Variants in NAF1 observed in about 807,000 individuals in gnomAD.
NAF1 encodes the protein nuclear assembly factor 1 ribonucleoprotein.
Under a neutral mutation model 40.6 loss-of-function variants are expected in NAF1, and 11 were observed. The observed-to-expected ratio is 0.27, with a 90% CI of 0.17 to 0.45. The LOEUF is 0.45. Ranked by LOEUF, NAF1 falls within the 20% of genes least tolerant of loss-of-function variation. NAF1 has a pLI of 1.00. For missense variants in NAF1, 607 were observed against 611.1 expected (o/e 0.99, Z 0.07); for synonymous variants, 260 against 228.5 (o/e 1.14, Z -1.24).
At chr4:163,114,110 C>T (rs903679064) in intron 2 of NAF1, among the ~76,000 whole-genome samples, 8 of 152,286 alleles carry the variant, frequency 5.3e-5, no homozygotes, top group Middle Eastern at 6.8e-3. Flanking sequence ...GGAGAAATAA[C>T]AGCATCACTA....
At chr4:163,130,489 G>A (rs1730828697) in intron 7 of NAF1, among the ~76,000 whole-genome samples, 1 of 152,098 alleles carries the variant, frequency 6.6e-6, no homozygotes, top group Non-Finnish European at 1.5e-5. Context: ...AAAGCTGGAG[G>A]ACGGAAACTA....
At chr4:163,128,606 C>CTATATATATA (rs61471175), downstream of NAF1, 14 of 307,464 alleles carry the variant, frequency 4.6e-5, no homozygotes, top group African/African-American at 2.9e-4. Flanking sequence ...ATATCCATTA[C>CTATATATATA]TATATATATA....
downstream of NAF1, chr4:163,128,596 A>G (rs1302837808): frequency 5.4e-6 from 2 of 369,856 alleles, no homozygotes; most frequent in African/African-American, 4.4e-5. Flanking sequence ...AACTTGTCCC[A>G]TATCCATTAC....
At chr4:163,137,609 G>C (rs1458977906) in intron 5 of NAF1, among the ~76,000 whole-genome samples, 1 of 152,134 alleles carries the variant, frequency 6.6e-6, no homozygotes, top group Non-Finnish European at 1.5e-5. Context: ...ATCAGAAGTT[G>C]TTCCATGTGC....
At chr4:163,159,018 T>C (rs1400537311) in intron 2 of NAF1, among the ~76,000 whole-genome samples, 1 of 152,066 alleles carries the variant, frequency 6.6e-6, no homozygotes, top group Non-Finnish European at 1.5e-5. Flanking sequence ...TTAACAGATA[T>C]TTGTCTTTAT....
In NAF1 at chr4:163,111,457, T is replaced by G. The variant is rs528537022; in HGVS notation, c.115-1167A>C. On this transcript the variant is annotated intron_variant, in intron 2 of 2. Transcript: ENST00000509434. ...AAAATAAAATGAAATAGAATGAGCTTGATCAACTGGAAGGATGGAGTTGTC... is the reference window on the plus strand; with the variant it reads ...AAAATAAAATGAAATAGAATGAGCTGGATCAACTGGAAGGATGGAGTTGTC... Among the ~76,000 whole-genome samples the G allele has an allele frequency of 2.6e-5, 4 of 152,304 alleles. No individual in the cohort carries two copies. The South Asian group carries it at 8.3e-4, about 32-fold the overall frequency.
chr4:163,132,882 T>A (rs902957166), intron 7 of NAF1, among the ~76,000 whole-genome samples: 22 of 152,218 alleles, frequency 1.4e-4, no homozygotes, highest in African/African-American at 4.8e-4. Context: ...GATCATAAAA[T>A]CCTAAAAATG....
At chr4:163,159,983 T>G (rs767981217) in intron 2 of NAF1, among the ~76,000 whole-genome samples, 4 of 152,178 alleles carry the variant, frequency 2.6e-5, no homozygotes, top group Non-Finnish European at 4.4e-5. Flanking sequence ...CCAAATATTT[T>G]TATGACCCTA....
chr4:163,162,432 T>C (rs1732266341), intron 2 of NAF1, among the ~76,000 whole-genome samples: 1 of 152,198 alleles, frequency 6.6e-6, no homozygotes, highest in African/African-American at 2.4e-5. Flanking sequence ...ATAAAGACTA[T>C]AATTGCCTCT....
chr4:163,160,471 T>C lies in NAF1; in HGVS notation c.540+3746A>G, dbSNP rs1269281864. Among the ~76,000 whole-genome samples the C allele has an allele frequency of 2.0e-5, 3 of 148,858 alleles. No individual in the cohort carries two copies. The South Asian group carries it at 6.4e-4, about 32-fold the overall frequency. Reference sequence around the variant, plus strand: ...TAAGGTTTAAGAACAATCATAAAGTTATTTCACTGTAGTTCTCATCTACCT... The same window carrying C: ...TAAGGTTTAAGAACAATCATAAAGTCATTTCACTGTAGTTCTCATCTACCT... On this transcript the variant is annotated intron_variant, in intron 2 of 7. Transcript: ENST00000274054.
downstream of NAF1, among the ~76,000 whole-genome samples, chr4:163,105,385 C>T (rs1560771680): frequency 6.6e-6 from 1 of 152,174 alleles, no homozygotes; most frequent in Non-Finnish European, 1.5e-5. Flanking sequence ...GTTCAAAATG[C>T]TTAATAAATG....
intron 1 of NAF1, among the ~76,000 whole-genome samples, chr4:163,165,902 C>T (rs1732438404): frequency 6.6e-6 from 1 of 152,122 alleles, no homozygotes; most frequent in African/African-American, 2.4e-5. Flanking sequence ...TCATCAAGAG[C>T]CAGCTTTGAA....
At chr4:163,108,939 C>G (rs1730093193), downstream of NAF1, 2 of 152,112 alleles carry the variant, frequency 1.3e-5, no homozygotes, top group African/African-American at 2.4e-5. Flanking sequence ...GGCTTAGTGT[C>G]TTTTCCCTTT....
At chr4:163,159,335 A>G (rs1245745070) in intron 2 of NAF1, among the ~76,000 whole-genome samples, 3 of 152,124 alleles carry the variant, frequency 2.0e-5, no homozygotes, top group Admixed American at 6.5e-5. Context: ...CATTGCTTAA[A>G]TAACAAGCAC....
intron 2 of NAF1, among the ~76,000 whole-genome samples, chr4:163,152,580 AG>A (rs1483064033): frequency 6.6e-6 from 1 of 152,260 alleles, no homozygotes; most frequent in African/African-American, 2.4e-5. Context: ...GATTTTGCGT[AG>A]AACCAAACTT....
chr4:163,148,471 C>A (rs1254926211), intron 2 of NAF1, 37 bp from the exon 3 acceptor site: 10 of 1,366,112 alleles, frequency 7.3e-6, no homozygotes, highest in Non-Finnish European at 1.0e-5. Flanking sequence ...TAAACTTCCT[C>A]CAGCTTCAAC....
At chr4:163,151,765 A>T (rs1054743230) in intron 2 of NAF1, among the ~76,000 whole-genome samples, 1 of 152,012 alleles carries the variant, frequency 6.6e-6, no homozygotes, top group Non-Finnish European at 1.5e-5. Context: ...CTATTTTGTC[A>T]TATTAGTGTT....
At chr4:163,142,263 TCA>T (rs1731291139) in intron 4 of NAF1, among the ~76,000 whole-genome samples, 1 of 152,228 alleles carries the variant, frequency 6.6e-6, no homozygotes, top group African/African-American at 2.4e-5. Flanking sequence ...TTTAATTCTC[TCA>T]CATATACACA....
chr4:163,133,058 G>T, intron 7 of NAF1, 96 bp downstream of exon 7: 1 of 1,026,566 alleles, frequency 9.7e-7, no homozygotes, highest in Non-Finnish European at 1.5e-6. Context: ...GAGGTAAACA[G>T]AGAGAACCCA....
Sources: gnomAD v4.1 joint callset for allele counts (sites outside exome capture counted in the v4.1 genomes callset) on GRCh38, gnomAD v4.1.1 for gene constraint, MANE v1.5 for transcripts, NCBI Gene and HGNC (gene_info 2026-07-23, HGNC 2026-07-21) for gene names.